Variants in CD226 observed in about 807,000 individuals in gnomAD.
CD226 encodes CD226 molecule.
Under a neutral mutation model 34.9 loss-of-function variants are expected in CD226, and 24 were observed. That is an observed-to-expected ratio of 0.69 (90% confidence interval 0.50 to 0.97). The LOEUF (loss-of-function observed/expected upper bound fraction) is 0.97. Ranked by LOEUF, CD226 falls within the 50% of genes least tolerant of loss-of-function variation. The probability of loss-of-function intolerance (pLI) is 0.00; values close to 1 mark genes in which losing one functional copy is unlikely to be tolerated. For synonymous variants in CD226, 148 were observed against 147.4 expected, an observed-to-expected ratio of 1.00 and a Z score of -0.03; for missense variants, 397 against 412.7, an observed-to-expected ratio of 0.96 and a Z score of 0.33.
chr18:69,939,877 TG>T (rs1354469689), intron 2 of CD226, among the ~76,000 whole-genome samples: 6 of 152,168 alleles, frequency 3.9e-5, no homozygotes, highest in African/African-American at 1.4e-4. Flanking sequence ...TCGGCTCTCC[TG>T]GGTCTGCAGC....
At chr18:69,925,042 C>T (rs1360864655) in intron 2 of CD226, among the ~76,000 whole-genome samples, 3 of 152,164 alleles carry the variant, frequency 2.0e-5, no homozygotes, top group African/African-American at 7.2e-5. Flanking sequence ...AGCCTTTGAC[C>T]TAACTCATGA....
intron 4 of CD226, among the ~76,000 whole-genome samples, chr18:69,869,809 T>C (rs1280764615): frequency 6.8e-6 from 1 of 146,360 alleles, no homozygotes; most frequent in Non-Finnish European, 1.5e-5. Flanking sequence ...CTTTTTTTTT[T>C]TTTTTTTTTG....
chr18:69,879,308 G>A (rs550783105), intron 3 of CD226, among the ~76,000 whole-genome samples: 117 of 152,216 alleles, frequency 7.7e-4, no homozygotes, highest in African/African-American at 2.6e-3. Flanking sequence ...AGGAGGCCAG[G>A]GCATGTTTCA....
intron 2 of CD226, among the ~76,000 whole-genome samples, chr18:69,897,747 A>T (rs1985382403): frequency 6.6e-6 from 1 of 152,260 alleles, no homozygotes. Context: ...ACATTTCGAA[A>T]GAGAGAATGA....
intron 2 of CD226, among the ~76,000 whole-genome samples, chr18:69,916,304 T>C (rs965903202): frequency 1.3e-5 from 2 of 152,192 alleles, no homozygotes; most frequent in Non-Finnish European, 2.9e-5. Context: ...CAAAACCAAT[T>C]TTAAATAATA....
rs777210317 is a variant in CD226 at position 69,867,342 on chromosome 18, TC to T, written c.885+14del. 1.3e-6 allele frequency: 2 copies of T among 1,560,780 alleles called. No individual in the cohort carries two copies. The highest frequency in any genetic ancestry group is 1.1e-5 in the South Asian group (1 of 89,638). ...AATTACAAAAGAAAAAAATGACAGT[TC>T]CGTATAAACTTACCTTCTGTGTATC... is the stretch of plus-strand genomic sequence containing the variant. On this transcript the variant is annotated intron_variant, in intron 5 of 5. Coordinates refer to ENST00000582621, the MANE Select transcript of CD226 (RefSeq NM_001303618.2).
intron 2 of CD226, among the ~76,000 whole-genome samples, chr18:69,944,726 G>A (rs1177494724): frequency 5.9e-5 from 9 of 152,288 alleles, no homozygotes; most frequent in East Asian, 1.9e-4. Flanking sequence ...CTTCTACTTC[G>A]CCTGCCTGAC....
chr18:69,923,468 A>T (rs975924232), intron 2 of CD226, among the ~76,000 whole-genome samples: 1 of 152,136 alleles, frequency 6.6e-6, no homozygotes, highest in Non-Finnish European at 1.5e-5. Flanking sequence ...TGGCCTTTTT[A>T]AAAACATTTG....
In CD226 at chr18:69,895,383, G is replaced by A. The variant is rs776494900; in HGVS notation, c.727+318C>T. On this transcript the variant is annotated intron_variant, in intron 3 of 5. Coordinates refer to ENST00000582621, the MANE Select transcript of CD226 (RefSeq NM_001303618.2). Reference sequence around the variant, plus strand: ...AAATATTCATGTAATTGGGAAGATAGGAGTTCTACAGCTGAAACCTGAAGG... The same window carrying A: ...AAATATTCATGTAATTGGGAAGATAAGAGTTCTACAGCTGAAACCTGAAGG... Among the ~76,000 whole-genome samples, 60 of 152,240 alleles carry A rather than the reference G, an allele frequency of 3.9e-4. No individual in the cohort carries two copies. In the Middle Eastern group the frequency reaches 0.01, roughly 26 times the overall value.
chr18:69,898,743 C>T (rs901579374), intron 2 of CD226, among the ~76,000 whole-genome samples: 4 of 152,182 alleles, frequency 2.6e-5, no homozygotes, highest in Non-Finnish European at 5.9e-5. Context: ...GCCAAACCTG[C>T]CTTGCCTCAG....
chr18:69,885,280 G>C (rs1984492058), intron 3 of CD226, among the ~76,000 whole-genome samples: 1 of 152,190 alleles, frequency 6.6e-6, no homozygotes, highest in Non-Finnish European at 1.5e-5. Context: ...TAAGTGTTCA[G>C]AATGTTTTAA....
At chr18:69,928,267 C>T (rs985218484) in intron 2 of CD226, among the ~76,000 whole-genome samples, 36 of 152,164 alleles carry the variant, frequency 2.4e-4, no homozygotes, top group African/African-American at 8.7e-4. Context: ...TGGTGCTGAT[C>T]ATTTTCTATC....
At chr18:69,903,271 T>C (rs973291821) in intron 2 of CD226, among the ~76,000 whole-genome samples, 1 of 152,118 alleles carries the variant, frequency 6.6e-6, no homozygotes. Flanking sequence ...AACTGAGCTG[T>C]CAGGCAGCTT....
chr18:69,864,438 G>T lies in CD226; in HGVS notation c.887C>A (p.Ala296Glu). Residue 296 changes from alanine (A) to glutamate (E), a missense_variant and splice_region_variant, in exon 6 of 6, where the codon GCA becomes GAA. By Grantham distance (107) the Ala-to-Glu change is moderately radical (BLOSUM62 -1). Coordinates refer to ENST00000582621, the MANE Select transcript of CD226 (RefSeq NM_001303618.2). Reference sequence around the variant, plus strand: ...GATGGGACTTCTATAGTTATTGGGTGCCTAGAAAGACAAACAGCAGAGAGT... The same window carrying T: ...GATGGGACTTCTATAGTTATTGGGTTCCTAGAAAGACAAACAGCAGAGAGT... ...LFTESWDTQK[A>E]PNNYRSPIST... The T allele has an allele frequency of 6.2e-7, 1 of 1,612,140 alleles. No individual in the cohort carries two copies. Among genetic ancestry groups the T allele is most frequent in the South Asian group, 1.1e-5 (1 of 90,824 alleles).
At chr18:69,931,246 G>T (rs561275598) in intron 2 of CD226, among the ~76,000 whole-genome samples, 19 of 152,138 alleles carry the variant, frequency 1.2e-4, no homozygotes, top group East Asian at 3.9e-4. Flanking sequence ...GTGGGGAGAG[G>T]GGGGAGGGAT....
chr18:69,873,269 T>C (rs1351723596), intron 3 of CD226, 23 bp from the exon 4 acceptor site: 1 of 1,231,740 alleles, frequency 8.1e-7, no homozygotes, highest in South Asian at 1.3e-5. Flanking sequence ...AAAAATATTG[T>C]AGGAATTAGG....
intron 2 of CD226, among the ~76,000 whole-genome samples, chr18:69,918,836 G>C (rs1286554873): frequency 2.0e-5 from 3 of 152,150 alleles, no homozygotes; most frequent in Non-Finnish European, 4.4e-5. Flanking sequence ...GGAAAATACA[G>C]ATGGAAAGTG....
rs1158039248 is a variant in CD226 at position 69,863,828 on chromosome 18, A to C, written c.*486T>G. ...CTATTTAACAATGAAAAAATAATCA[A>C]ATTTGTTTGCTCCATTTGAGAAGCA... On this transcript the variant is annotated 3_prime_UTR_variant, in exon 6 of 6. Coordinates refer to ENST00000582621, the MANE Select transcript of CD226 (RefSeq NM_001303618.2). The C allele has an allele frequency of 6.5e-6, 1 of 152,678 alleles. No homozygotes were observed. Among genetic ancestry groups the C allele is most frequent in the Non-Finnish European group, 1.5e-5 (1 of 68,426 alleles). 9.5% of individuals were successfully genotyped at this position (152,678 alleles called of 1,614,324 possible).
intron 3 of CD226, among the ~76,000 whole-genome samples, chr18:69,882,951 A>G (rs1984348568): frequency 6.6e-6 from 1 of 152,218 alleles, no homozygotes; most frequent in South Asian, 2.1e-4. Context: ...TACAGGCAGG[A>G]GCCACCACGC....
Sources: allele counts gnomAD v4.1 joint callset (sites outside exome capture counted in the v4.1 genomes callset), GRCh38; gene constraint gnomAD v4.1.1; transcripts MANE v1.5; gene names NCBI Gene and HGNC (gene_info 2026-07-23, HGNC 2026-07-21).